The following CNTN6 variants were observed in gnomAD, a reference collection of about 807,000 sequenced individuals.
CNTN6 encodes contactin-6.
CNTN6 carries 137 observed loss-of-function variants against 122.8 expected under a neutral mutation model. That is an observed-to-expected ratio of 1.12 (90% CI 0.97 to 1.29). The LOEUF (loss-of-function observed/expected upper bound fraction) is 1.29. CNTN6 is among the 50% of genes most tolerant of loss of function. CNTN6 has a pLI of 0.00. For missense variants in CNTN6, 1,634 were observed against 1,223.4 expected, an observed-to-expected ratio of 1.34 and a Z score of -5.01; for synonymous variants, 570 against 426.0, an observed-to-expected ratio of 1.34 and a Z score of -4.16.
intron 4 of CNTN6, among the ~76,000 whole-genome samples, chr3:1,250,736 A>C (rs1240188985): frequency 6.6e-6 from 1 of 152,070 alleles, no homozygotes; most frequent in African/African-American, 2.4e-5. Context: ...AATTAGCAAA[A>C]TCTTTGCACA....
intron 4 of CNTN6, among the ~76,000 whole-genome samples, chr3:1,271,687 C>T (rs1157922668): frequency 6.6e-6 from 1 of 152,102 alleles, no homozygotes; most frequent in Non-Finnish European, 1.5e-5. Context: ...AGAAACAGAG[C>T]CACTTCTAGA....
At chr3:1,099,848 T>G (rs1216441696) in intron 1 of CNTN6, among the ~76,000 whole-genome samples, 1 of 152,204 alleles carries the variant, frequency 6.6e-6, no homozygotes, top group East Asian at 1.9e-4. Flanking sequence ...TCTTTATTCA[T>G]TTTTTCAACT....
At chr3:1,158,839 CAT>C (rs1283379201) in intron 2 of CNTN6, among the ~76,000 whole-genome samples, 16 of 53,244 alleles carry the variant, frequency 3.0e-4, no homozygotes, top group East Asian at 2.3e-3. Flanking sequence ...TATACACACA[CAT>C]ATATATACAT....
intron 2 of CNTN6, among the ~76,000 whole-genome samples, chr3:1,185,425 T>G (rs2093614949): frequency 6.6e-6 from 1 of 152,170 alleles, no homozygotes; most frequent in African/African-American, 2.4e-5. Flanking sequence ...ACAGATACTC[T>G]AAAAAGGTAT....
intron 1 of CNTN6, among the ~76,000 whole-genome samples, chr3:1,137,919 T>C (rs2092519599): frequency 6.6e-6 from 1 of 152,206 alleles, no homozygotes; most frequent in South Asian, 2.1e-4. Flanking sequence ...GTCCACTATT[T>C]GGTCCCAGTT....
chr3:1,315,409 T>A (rs1699951954), intron 7 of CNTN6, among the ~76,000 whole-genome samples: 1 of 151,908 alleles, frequency 6.6e-6, no homozygotes, highest in African/African-American at 2.4e-5. Flanking sequence ...TCACAATAAA[T>A]TAGCGTGCTC....
Position 1,372,849 on chromosome 3 carries a change from G to A in CNTN6, c.1680G>A (p.Gly560=), listed in dbSNP as rs745413138. ...HFERIGGESV[G]DLMIRNIQLH... is the part of the protein sequence containing the mutation. ...CTTTCTGTCTGCAGGAATCTGTTGG[G>A]GATTTGATGATAAGGAATATTCAGT... The change falls in exon 14 of 23, where the codon GGG becomes GGA. Residue 560 remains glycine (G), a synonymous_variant. Transcript: ENST00000446702. 1 of 1,595,110 alleles carries A rather than the reference G, an allele frequency of 6.3e-7. No homozygotes were observed. Among genetic ancestry groups the A allele is most frequent in the Non-Finnish European group, 8.6e-7 (1 of 1,166,354 alleles).
intron 4 of CNTN6, among the ~76,000 whole-genome samples, chr3:1,273,651 A>G (rs1691786713): frequency 1.3e-5 from 2 of 152,220 alleles, no homozygotes; most frequent in Non-Finnish European, 2.9e-5. Context: ...AACAGTTTTA[A>G]AACGTGAATT....
chr3:1,216,704 T>C (rs967560097), intron 2 of CNTN6, among the ~76,000 whole-genome samples: 3 of 152,004 alleles, frequency 2.0e-5, no homozygotes, highest in Non-Finnish European at 4.4e-5. Context: ...AAAACCTCTA[T>C]CTATCTACAC....
At chr3:1,329,459 G>A (rs999122404) in intron 10 of CNTN6, among the ~76,000 whole-genome samples, 2 of 151,438 alleles carry the variant, frequency 1.3e-5, no homozygotes, top group African/African-American at 4.8e-5. Context: ...TTATTGCAAT[G>A]ACCACCAACA....
chr3:1,201,099 T>TGTGTGTGTGTGTGTGTGTGTGTG (rs2093862065), intron 2 of CNTN6, among the ~76,000 whole-genome samples: 2 of 130,020 alleles, frequency 1.5e-5, no homozygotes, highest in African/African-American at 5.7e-5. Flanking sequence ...AGCTAACATT[T>TGTGTGTGTGTGTGTGTGTGTGTG]TGTGTGTGTG....
At chr3:1,342,160 C>T (rs987424374) in intron 11 of CNTN6, among the ~76,000 whole-genome samples, 1 of 152,102 alleles carries the variant, frequency 6.6e-6, no homozygotes. Context: ...GGTGGAGTCT[C>T]CCTCTTTCAC....
At chr3:1,134,646 G>C (rs1039998666) in intron 1 of CNTN6, among the ~76,000 whole-genome samples, 1 of 152,066 alleles carries the variant, frequency 6.6e-6, no homozygotes, top group South Asian at 2.1e-4. Context: ...TTACAGGAAA[G>C]TTAGCTAATC....
chr3:1,164,605 A>G (rs1288024314), intron 2 of CNTN6, among the ~76,000 whole-genome samples: 1 of 152,192 alleles, frequency 6.6e-6, no homozygotes, highest in African/African-American at 2.4e-5. Context: ...TGGAGGGGCT[A>G]TAGTTTTCAT....
At chr3:1,117,590 C>A (rs536290693) in intron 1 of CNTN6, among the ~76,000 whole-genome samples, 3 of 152,164 alleles carry the variant, frequency 2.0e-5, no homozygotes, top group Non-Finnish European at 4.4e-5. Context: ...AATGAACCTA[C>A]AACCTGTTAG....
intron 2 of CNTN6, among the ~76,000 whole-genome samples, chr3:1,167,255 T>C (rs2093272960): frequency 1.3e-5 from 2 of 152,278 alleles, no homozygotes; most frequent in South Asian, 2.1e-4. Flanking sequence ...ACATACTGCA[T>C]GACAAATGAT....
chr3:1,161,855 CAT>C (rs2093142095), intron 2 of CNTN6, among the ~76,000 whole-genome samples: 2 of 150,642 alleles, frequency 1.3e-5, no homozygotes, highest in African/African-American at 4.9e-5. Flanking sequence ...ATTTTCTATA[CAT>C]GTTACATTAC....
At chr3:1,384,339 C>T (rs1692420094) in intron 19 of CNTN6, among the ~76,000 whole-genome samples, 1 of 151,600 alleles carries the variant, frequency 6.6e-6, no homozygotes, top group Non-Finnish European at 1.5e-5. Context: ...TCATCTTACA[C>T]CATGGAAGAA....
At chr3:1,371,330 CT>C (rs1005765216) in intron 12 of CNTN6, among the ~76,000 whole-genome samples, 1 of 151,826 alleles carries the variant, frequency 6.6e-6, no homozygotes. Context: ...TATTTTTAAA[CT>C]TCTTCATGTA....
Sources: allele counts gnomAD v4.1 joint callset (sites outside exome capture counted in the v4.1 genomes callset), GRCh38; gene constraint gnomAD v4.1.1; transcripts MANE v1.5; gene names NCBI Gene and HGNC (gene_info 2026-07-23, HGNC 2026-07-21).